TAF2: variants seen among roughly 807,000 people sequenced by gnomAD.
TAF2 encodes the protein transcription initiation factor TFIID subunit 2.
A neutral mutation model predicts 138.5 loss-of-function variants in TAF2; 61 were observed. That is an observed-to-expected ratio of 0.44 (90% CI 0.36 to 0.54). TAF2 has a LOEUF of 0.54. TAF2 is among the 20% of genes least tolerant of loss of function. TAF2 has a pLI of 0.00. For synonymous variants in TAF2, 475 were observed against 469.9 expected (o/e 1.01, Z -0.14); for missense variants, 1,090 against 1,427.9 (o/e 0.76, Z 3.81).
intron 3 of TAF2, among the ~76,000 whole-genome samples, chr8:119,816,241 T>G (rs920109437): frequency 2.0e-5 from 3 of 151,290 alleles, no homozygotes; most frequent in African/African-American, 7.3e-5. Context: ...TTTTTTTTAG[T>G]AGAGATGGGG....
At chr8:119,755,942 A>T (rs1563833459) in intron 22 of TAF2, 64 bp downstream of exon 22, 3 of 1,320,314 alleles carry the variant, frequency 2.3e-6, no homozygotes, top group Non-Finnish European at 3.2e-6. Flanking sequence ...TTGAATTGAA[A>T]ATCTGTTGTA....
At chr8:119,788,248 T>A (rs905955020) in intron 14 of TAF2, 90 bp downstream of exon 14, 6 of 1,126,686 alleles carry the variant, frequency 5.3e-6, no homozygotes, top group Admixed American at 3.5e-5. Flanking sequence ...TTAAAAAAAA[T>A]TAGGTATACA....
intron 14 of TAF2, among the ~76,000 whole-genome samples, chr8:119,785,472 T>C (rs983834767): frequency 2.0e-5 from 3 of 152,192 alleles, no homozygotes; most frequent in Non-Finnish European, 4.4e-5. Context: ...TCAAATTATT[T>C]TCCTGATCAA....
intron 6 of TAF2, among the ~76,000 whole-genome samples, chr8:119,799,971 T>C (rs1189192064): frequency 1.3e-5 from 2 of 152,244 alleles, no homozygotes; most frequent in East Asian, 1.9e-4. Flanking sequence ...TGTCTGTTCA[T>C]ATCCTTCGCC....
At position 119,795,600 on chromosome 8, in the gene TAF2, C is replaced by T. The variant is rs1470208085; in HGVS notation, c.1123G>A (p.Gly375Ser). 2 of 1,613,620 alleles carry T rather than the reference C, an allele frequency of 1.2e-6. No homozygotes were observed. The highest frequency in any genetic ancestry group is 1.7e-6 in the Non-Finnish European group (2 of 1,179,828). The change falls in exon 9 of 26, where the codon GGC becomes AGC. Residue 375 changes from glycine to serine, a missense_variant. Physicochemically the swap from Gly to Ser is moderately conservative, Grantham distance 56. Around this residue, in one of 3 missense-constraint regions of TAF2, gnomAD observed 504 missense variants for 680.9 expected, o/e 0.74. Coordinates refer to ENST00000378164, the MANE Select transcript of TAF2 (RefSeq NM_003184.4). ...SDEWVLKGISGYIYGLWMKKT... is the reference protein window; with the variant it reads ...SDEWVLKGISSYIYGLWMKKT... ...TTCATCCAAAGTCCATAGATATAGC[C>T]TGAAATTCCCTTCAGCACCCATTCA...
At chr8:119,824,145 T>A (rs1389682871) in intron 2 of TAF2, among the ~76,000 whole-genome samples, 1 of 151,742 alleles carries the variant, frequency 6.6e-6, no homozygotes, top group Non-Finnish European at 1.5e-5. Flanking sequence ...GAAAAGAAAA[T>A]CCGGGCCGGG....
chr8:119,741,148 A>G (rs1819578876), intron 25 of TAF2, among the ~76,000 whole-genome samples: 1 of 152,220 alleles, frequency 6.6e-6, no homozygotes, highest in Non-Finnish European at 1.5e-5. Flanking sequence ...AATAAGGATC[A>G]ATGATAAAAA....
chr8:119,799,320 C>T (rs548768779), intron 6 of TAF2, among the ~76,000 whole-genome samples: 28 of 151,650 alleles, frequency 1.8e-4, no homozygotes, highest in African/African-American at 5.6e-4. Flanking sequence ...CCCCACCCCA[C>T]GACAGGCCCC....
chr8:119,732,286 A>G, intron 25 of TAF2, 100 bp from the exon 26 acceptor site: 1 of 1,101,508 alleles, frequency 9.1e-7, no homozygotes, highest in South Asian at 1.3e-5. Context: ...AGGGATTCCT[A>G]AGTTTTTATC....
intron 4 of TAF2, among the ~76,000 whole-genome samples, chr8:119,805,672 T>G (rs1586491922): frequency 6.6e-6 from 1 of 151,418 alleles, no homozygotes. Flanking sequence ...GCCATTGCAC[T>G]CCACCCTGGG....
intron 9 of TAF2, 125 bp downstream of exon 9, chr8:119,795,407 A>T (rs1823753095): frequency 2.3e-6 from 2 of 855,878 alleles, no homozygotes; most frequent in Non-Finnish European, 3.9e-6. Context: ...CTTTCTCAGT[A>T]AATCAATTCC....
chr8:119,746,150 T>G (rs1819950548), intron 23 of TAF2, among the ~76,000 whole-genome samples: 1 of 152,000 alleles, frequency 6.6e-6, no homozygotes, highest in Admixed American at 6.6e-5. Flanking sequence ...GGTGGGTGGA[T>G]CACCTGAGGT....
intron 6 of TAF2, among the ~76,000 whole-genome samples, chr8:119,801,460 GCT>G (rs1484616626): frequency 1.4e-5 from 2 of 142,810 alleles, no homozygotes; most frequent in African/African-American, 5.2e-5. Flanking sequence ...TTGAGATGTC[GCT>G]CTGTCATCAA....
intron 20 of TAF2, among the ~76,000 whole-genome samples, chr8:119,758,436 AC>A (rs1820846600): frequency 1.3e-5 from 2 of 152,258 alleles, no homozygotes; most frequent in East Asian, 3.9e-4. Context: ...GTAATTAAGA[AC>A]CCTAAATTAC....
chr8:119,760,209 G>A (rs1586346314), intron 20 of TAF2, among the ~76,000 whole-genome samples: 1 of 151,804 alleles, frequency 6.6e-6, no homozygotes, highest in East Asian at 1.9e-4. Flanking sequence ...ATGATGCCTT[G>A]CCTAATTCCC....
At chr8:119,809,129 G>A (rs947252897) in intron 3 of TAF2, among the ~76,000 whole-genome samples, 1 of 152,218 alleles carries the variant, frequency 6.6e-6, no homozygotes, top group South Asian at 2.1e-4. Context: ...CTGTTGCTTA[G>A]TGTAGCAACC....
chr8:119,806,466 T>G, intron 3 of TAF2, 65 bp from the exon 4 acceptor site: 2 of 1,185,490 alleles, frequency 1.7e-6, no homozygotes, highest in Non-Finnish European at 2.3e-6. Context: ...TTTTTCTTTC[T>G]TTCTTTTTTT....
At chr8:119,831,940 C>T (rs1826475424) in intron 1 of TAF2, among the ~76,000 whole-genome samples, 1 of 152,040 alleles carries the variant, frequency 6.6e-6, no homozygotes, top group Non-Finnish European at 1.5e-5. Context: ...GCAAGCGGAT[C>T]ACGAGGTCAA....
intron 3 of TAF2, among the ~76,000 whole-genome samples, chr8:119,808,865 C>T (rs996882850): frequency 2.6e-5 from 4 of 152,206 alleles, no homozygotes; most frequent in Admixed American, 2.6e-4. Context: ...ATACTGTGAA[C>T]ACCTGTTGTC....
Sources: allele counts gnomAD v4.1 joint callset (sites outside exome capture counted in the v4.1 genomes callset), GRCh38; gene constraint gnomAD v4.1.1; regional missense constraint gnomAD v4.1.1; transcripts MANE v1.5; gene names NCBI Gene and HGNC (gene_info 2026-07-23, HGNC 2026-07-21).